EVC2: variants seen among roughly 807,000 people sequenced by gnomAD.
The protein encoded by EVC2 is EvC ciliary complex subunit 2.
In EVC2, 148 loss-of-function variants were observed where a neutral mutation model predicts 149.3. That is an observed-to-expected ratio of 0.99 (90% CI 0.87 to 1.14). The LOEUF (loss-of-function observed/expected upper bound fraction) is 1.14. Among genes scored for constraint, EVC2 ranks in the 50% most tolerant of loss-of-function variants. The pLI is 0.00. For missense variants in EVC2, 1,854 were observed against 1,627.3 expected (o/e 1.14, Z -2.40); for synonymous variants, 776 against 649.9 (o/e 1.19, Z -2.95).
chr4:5,692,364 A>T (rs1327423987), intron 3 of EVC2, among the ~76,000 whole-genome samples: 1 of 152,126 alleles, frequency 6.6e-6, no homozygotes, highest in Non-Finnish European at 1.5e-5. Context: ...GCTGAGGGCC[A>T]GGCATGGCAG....
chr4:5,704,907 A>G (rs1388060793), intron 1 of EVC2, among the ~76,000 whole-genome samples: 3 of 151,874 alleles, frequency 2.0e-5, no homozygotes, highest in African/African-American at 4.8e-5. Context: ...TGGGGGTCTC[A>G]CTATGTTTCC....
chr4:5,574,805 T>A lies in EVC2; in HGVS notation c.3273-33A>T, dbSNP rs1217739484. 1.9e-6 allele frequency: 3 copies of A among 1,602,972 alleles called. No homozygotes were observed. The South Asian group carries it at 3.3e-5, about 18-fold the overall frequency. ...GAAAATAAAATATACGTAAGTTCAG[T>A]TTTGTTATAAAGTGATACTATGAGA... On this transcript the variant is annotated intron_variant, in intron 18 of 21. Transcript: ENST00000344408.
rs1717311532 is a variant in EVC2 at position 5,641,274 on chromosome 4, T to G, written c.1146-436A>C. 2.0e-5 allele frequency among the ~76,000 whole-genome samples: 3 copies of G among 152,210 alleles called. No homozygotes were observed. The South Asian group carries it at 6.2e-4, about 32-fold the overall frequency. On this transcript the variant is annotated intron_variant, in intron 9 of 21. Transcript: ENST00000344408. Reference sequence around the variant, plus strand: ...CAGAGCAAAAAAAAGGACATTAGATTAAAAACTATGAAAATCTGAATAAAG... The same window carrying G: ...CAGAGCAAAAAAAAGGACATTAGATGAAAAACTATGAAAATCTGAATAAAG...
Position 5,640,151 on chromosome 4 carries a change from T to C in EVC2, c.1470+363A>G, listed in dbSNP as rs1403793046. Among the ~76,000 whole-genome samples, 1 of 151,812 alleles carries C rather than the reference T, an allele frequency of 6.6e-6. No individual in the cohort carries two copies. Among genetic ancestry groups the C allele is most frequent in the Non-Finnish European group, 1.5e-5 (1 of 67,966 alleles). ...GATGGGTAAATTGTTGGATGGGTGA[T>C]GGGTGGCATGGATGGGAGGGTGGAT... is the stretch of plus-strand genomic sequence containing the variant. On this transcript the variant is annotated intron_variant, in intron 10 of 21. Coordinates refer to ENST00000344408, the MANE Select transcript of EVC2 (RefSeq NM_147127.5). This position sits in a 1 kb window ranked among gnomAD's most constrained non-coding sequence, Gnocchi z 4.6.
intron 11 of EVC2, 124 bp downstream of exon 11, chr4:5,631,669 T>C (rs1716545374): frequency 7.5e-7 from 1 of 1,330,130 alleles, no homozygotes; most frequent in Non-Finnish European, 1.0e-6. Flanking sequence ...CACCAAGAGA[T>C]AGAAGAGAAA....
chr4:5,701,749 A>G (rs1471056841), intron 1 of EVC2, among the ~76,000 whole-genome samples: 1 of 152,186 alleles, frequency 6.6e-6, no homozygotes, highest in East Asian at 1.9e-4. Context: ...GTGATTTCCA[A>G]CCTGAGGCTG....
At position 5,691,168 on chromosome 4, in the gene EVC2, A is replaced by T. The variant is rs1431540160; in HGVS notation, c.519+97T>A. 3.6e-6 allele frequency: 4 copies of T among 1,107,764 alleles called. No homozygotes were observed. The East Asian group carries it at 9.4e-5, about 26-fold the overall frequency. 68.6% of individuals were successfully genotyped at this position (1,107,764 alleles called of 1,614,324 possible). On this transcript the variant is annotated intron_variant, in intron 4 of 21. Coordinates refer to ENST00000344408, the MANE Select transcript of EVC2 (RefSeq NM_147127.5). ...TGTCTAGACTTGTGTAGGTAAGCCC[A>T]TGATTTATCAGTTCTTAAATACATG...
chr4:5,699,391 C>A (rs1721684798), intron 1 of EVC2, among the ~76,000 whole-genome samples: 1 of 152,086 alleles, frequency 6.6e-6, no homozygotes, highest in Admixed American at 6.5e-5. Context: ...GAGTACCAGG[C>A]AGCTATTAAA....
At position 5,640,775 on chromosome 4, in the gene EVC2, G is replaced by A. The variant is rs772660326; in HGVS notation, c.1209C>T (p.Ser403=). 1.1e-5 allele frequency: 18 copies of A among 1,614,034 alleles called. No individual in the cohort carries two copies. The highest frequency in any genetic ancestry group is 1.3e-5 in the Non-Finnish European group (15 of 1,180,038). ...ADLEACRTQI[S]KDIIALLLKN... is the part of the protein sequence containing the mutation. ...TCAGCAGAAGGGCAATGATATCCTT[G>A]CTGATTTGTGTTCGACAAGCCTCCA... Residue 403 remains serine (S), a synonymous_variant, in exon 10 of 22, where the codon AGC becomes AGT. Coordinates refer to ENST00000344408, the MANE Select transcript of EVC2 (RefSeq NM_147127.5). This position sits in a 1 kb window ranked among gnomAD's most constrained non-coding sequence, Gnocchi z 4.6.
intron 5 of EVC2, among the ~76,000 whole-genome samples, chr4:5,688,200 T>C (rs1461991148): frequency 1.3e-5 from 2 of 152,128 alleles, no homozygotes; most frequent in African/African-American, 2.4e-5. Context: ...GTAGCTTCTG[T>C]CAATAATAGC....
At chr4:5,624,345 C>T (rs1715947388) in intron 13 of EVC2, among the ~76,000 whole-genome samples, 1 of 152,170 alleles carries the variant, frequency 6.6e-6, no homozygotes, top group Non-Finnish European at 1.5e-5. Context: ...GTCACTCAAA[C>T]CAGCACTCCT....
chr4:5,533,712 G>T, the EVC2 span, among the ~76,000 whole-genome samples: 2 of 152,148 alleles, frequency 1.3e-5, no homozygotes, highest in Non-Finnish European at 1.5e-5. Context: ...CCATATTGCC[G>T]CTAAGAAAGC....
At chr4:5,662,970 G>T in intron 9 of EVC2, 137 bp downstream of exon 9, 2 of 1,139,310 alleles carry the variant, frequency 1.8e-6, no homozygotes, top group Non-Finnish European at 2.6e-6. Flanking sequence ...TCAGTGCATA[G>T]CAGTTGTTGA....
chr4:5,634,776 C>A (rs1452870037), intron 10 of EVC2, among the ~76,000 whole-genome samples: 1 of 152,068 alleles, frequency 6.6e-6, no homozygotes, highest in African/African-American at 2.4e-5. Context: ...AGGCACACCC[C>A]TGGGCCTGCC....
the EVC2 span, among the ~76,000 whole-genome samples, chr4:5,530,698 T>C: frequency 6.6e-6 from 1 of 152,228 alleles, no homozygotes; most frequent in Admixed American, 6.5e-5. Flanking sequence ...TTTCAATTCC[T>C]GAATTTGCCA....
At chr4:5,588,783 C>T (rs1383307648) in intron 16 of EVC2, among the ~76,000 whole-genome samples, 1 of 152,072 alleles carries the variant, frequency 6.6e-6, no homozygotes, top group Non-Finnish European at 1.5e-5. Context: ...TATACTTAAC[C>T]TTTTTTGAAC....
At position 5,584,641 on chromosome 4, in the gene EVC2, G is replaced by A. The variant is rs751382770; in HGVS notation, c.3039C>T (p.Ile1013=). 2.5e-6 allele frequency: 4 copies of A among 1,613,500 alleles called. No individual in the cohort carries two copies. In the South Asian group the frequency reaches 3.3e-5, roughly 13 times the overall value. The change falls in exon 17 of 22, where the codon ATC becomes ATT. Residue 1013 remains isoleucine, a synonymous_variant. Transcript: ENST00000344408. ...CACTCACCCGGCTGTGCGACTCCAG[G>A]ATCTGTGTGCAGGCCGACTTGGTCA... ...EMLTKSACTQ[I]LESHSRELQE...
chr4:5,652,423 T>C (rs1353407389), intron 9 of EVC2, among the ~76,000 whole-genome samples: 8 of 152,204 alleles, frequency 5.3e-5, no homozygotes, highest in African/African-American at 1.2e-4. Context: ...AGCACTGAGA[T>C]GGAGAACTGC....
intron 21 of EVC2, among the ~76,000 whole-genome samples, chr4:5,553,763 A>G (rs927049156): frequency 1.3e-5 from 2 of 152,196 alleles, no homozygotes; most frequent in African/African-American, 4.8e-5. Flanking sequence ...ACACAATTCA[A>G]CTGATCCCAA....
Sources: gnomAD v4.1 joint callset for allele counts (sites outside exome capture counted in the v4.1 genomes callset) on GRCh38, gnomAD v4.1.1 for gene constraint, Gnocchi (gnomAD v3.1) non-coding constraint, MANE v1.5 for transcripts, NCBI Gene and HGNC (gene_info 2026-07-23, HGNC 2026-07-21) for gene names.